Variants in ANKS1A observed in about 807,000 individuals in gnomAD.
ANKS1A encodes the protein ankyrin repeat and SAM domain-containing protein 1A.
ANKS1A carries 55 observed loss-of-function variants against 120.3 expected under a neutral mutation model. The observed-to-expected ratio is 0.46, with a 90% CI of 0.37 to 0.57. The LOEUF is 0.57. Ranked by LOEUF, ANKS1A falls within the 20% of genes least tolerant of loss-of-function variation. ANKS1A has a pLI of 0.00. For missense variants in ANKS1A, 1,123 were observed against 1,480.3 expected (o/e 0.76, Z 3.96); for synonymous variants, 590 against 604.7 (o/e 0.98, Z 0.36).
At chr6:35,083,524 C>T (rs779265569) in intron 20 of ANKS1A, 21 bp downstream of exon 20, 2 of 1,612,186 alleles carry the variant, frequency 1.2e-6, no homozygotes, top group East Asian at 2.2e-5. Context: ...TACAGGGACT[C>T]TTGGTGGGAG....
intron 1 of ANKS1A, among the ~76,000 whole-genome samples, chr6:34,906,236 G>T (rs563809160): frequency 1.3e-5 from 2 of 152,192 alleles, no homozygotes; most frequent in Non-Finnish European, 2.9e-5. Context: ...CATCTGCAGA[G>T]TTAGACTGGG....
chr6:34,984,130 A>G (rs1055602373), intron 7 of ANKS1A, among the ~76,000 whole-genome samples: 1 of 152,172 alleles, frequency 6.6e-6, no homozygotes, highest in African/African-American at 2.4e-5. Flanking sequence ...GTAGGGGGGT[A>G]CATGGCAAAT....
Position 35,057,866 on chromosome 6 carries a change from C to A in ANKS1A, c.2078-2281C>A, listed in dbSNP as rs1776292345. Among the ~76,000 whole-genome samples, 1 of 152,238 alleles carries A rather than the reference C, an allele frequency of 6.6e-6. No homozygotes were observed. Among genetic ancestry groups the A allele is most frequent in the South Asian group, 2.1e-4 (1 of 4,834 alleles). ...GTGGGCTATGCCCTTTGGGTCTGGT[C>A]ATTCCTGTGTCCTCTCCTGGCTGTC... On this transcript the variant is annotated intron_variant, in intron 12 of 23. Coordinates refer to ENST00000360359, the MANE Select transcript of ANKS1A (RefSeq NM_015245.3). The surrounding 1 kb of genome is among the most constrained non-coding windows in gnomAD (Gnocchi z 4.1).
intron 11 of ANKS1A, among the ~76,000 whole-genome samples, chr6:35,033,410 GA>G (rs2127571719): frequency 6.6e-6 from 1 of 152,312 alleles, no homozygotes; most frequent in East Asian, 1.9e-4. Flanking sequence ...AGACATGTAT[GA>G]TGCTGGTGGA....
chr6:35,017,176 C>T (rs1290165553), intron 10 of ANKS1A, among the ~76,000 whole-genome samples: 2 of 152,062 alleles, frequency 1.3e-5, no homozygotes, highest in Non-Finnish European at 2.9e-5. Flanking sequence ...AAGGTCTGGT[C>T]GTTAATGTTA....
At chr6:34,911,456 G>C (rs576490072) in intron 1 of ANKS1A, among the ~76,000 whole-genome samples, 6 of 151,316 alleles carry the variant, frequency 4.0e-5, no homozygotes, top group Non-Finnish European at 8.8e-5. Flanking sequence ...GGATAACAGT[G>C]GGGGGGATCC....
At chr6:34,907,402 A>G (rs964349942) in intron 1 of ANKS1A, among the ~76,000 whole-genome samples, 1 of 152,224 alleles carries the variant, frequency 6.6e-6, no homozygotes, top group African/African-American at 2.4e-5. Context: ...CATCTATAAC[A>G]AAATCCTTGT....
chr6:34,901,545 C>T (rs1767350860), intron 1 of ANKS1A, among the ~76,000 whole-genome samples: 1 of 152,192 alleles, frequency 6.6e-6, no homozygotes, highest in Non-Finnish European at 1.5e-5. Flanking sequence ...AGGTCTCACC[C>T]TGTCACTCAG....
At chr6:34,914,426 A>G (rs974882153) in intron 1 of ANKS1A, among the ~76,000 whole-genome samples, 6 of 152,194 alleles carry the variant, frequency 3.9e-5, no homozygotes, top group African/African-American at 7.2e-5. Context: ...TTCGTAAATC[A>G]CCCTAATGAA....
Position 34,889,997 on chromosome 6 carries a change from C to T in ANKS1A, c.197+398C>T, listed in dbSNP as rs1766724772. Among the ~76,000 whole-genome samples the T allele has an allele frequency of 6.6e-6, 1 of 152,134 alleles. No individual in the cohort carries two copies. The highest frequency in any genetic ancestry group is 1.5e-5 in the Non-Finnish European group (1 of 68,026). On this transcript the variant is annotated intron_variant, in intron 1 of 23. Transcript: ENST00000360359. This position sits in a 1 kb window ranked among gnomAD's most constrained non-coding sequence, Gnocchi z 5.5. ...TCACCTCCTGCAGAAACTCCTACGC[C>T]TTGTAGAATCTCGAGGCTCCTCTGG... is the stretch of plus-strand genomic sequence containing the variant.
At chr6:35,061,290 G>A (rs1223745586) in intron 13 of ANKS1A, among the ~76,000 whole-genome samples, 2 of 152,204 alleles carry the variant, frequency 1.3e-5, no homozygotes, top group Non-Finnish European at 2.9e-5. Context: ...CTTCTCTGTG[G>A]ATACAGGGAT....
chr6:34,974,835 T>C (rs1438741100), intron 3 of ANKS1A, among the ~76,000 whole-genome samples: 3 of 152,206 alleles, frequency 2.0e-5, no homozygotes, highest in African/African-American at 7.2e-5. Context: ...GTGTATGTAA[T>C]GTATTTCTGC....
At position 35,057,566 on chromosome 6, in the gene ANKS1A, T is replaced by C. The variant is rs1776278276; in HGVS notation, c.2078-2581T>C. Among the ~76,000 whole-genome samples the C allele has an allele frequency of 6.6e-6, 1 of 152,168 alleles. No homozygotes were observed. The highest frequency in any genetic ancestry group is 2.4e-5 in the African/African-American group (1 of 41,442). ...AGCCCTGGACTTCTGTCCCTGTACC[T>C]GTTTTATCTTTTTGGCCTGTCTCCA... On this transcript the variant is annotated intron_variant, in intron 12 of 23. Coordinates refer to ENST00000360359, the MANE Select transcript of ANKS1A (RefSeq NM_015245.3). The surrounding 1 kb of genome is among the most constrained non-coding windows in gnomAD (Gnocchi z 4.1).
intron 1 of ANKS1A, among the ~76,000 whole-genome samples, chr6:34,943,608 C>T (rs1298646810): frequency 6.6e-6 from 1 of 152,212 alleles, no homozygotes; most frequent in African/African-American, 2.4e-5. Flanking sequence ...CCGTTGAACC[C>T]ATGGCAGGCA....
chr6:35,017,432 C>T (rs1407968023), intron 10 of ANKS1A, 41 bp from the exon 11 acceptor site: 18 of 1,539,912 alleles, frequency 1.2e-5, no homozygotes, highest in Middle Eastern at 1.7e-4. Flanking sequence ...ATTTTTGCCA[C>T]GTTTAATTTT....
chr6:35,093,810 C>T (rs1778379890), downstream of ANKS1A, among the ~76,000 whole-genome samples: 1 of 152,202 alleles, frequency 6.6e-6, no homozygotes, highest in Non-Finnish European at 1.5e-5. Context: ...TGCTCTACTC[C>T]AGCCAAGCAC....
At chr6:35,080,489 G>T (rs1777613836) in intron 16 of ANKS1A, among the ~76,000 whole-genome samples, 1 of 152,312 alleles carries the variant, frequency 6.6e-6, no homozygotes, top group Middle Eastern at 3.4e-3. Context: ...GGGTGCACTG[G>T]GCCTGCCCCG....
intron 1 of ANKS1A, among the ~76,000 whole-genome samples, chr6:34,914,111 C>T (rs1768039728): frequency 7.2e-6 from 1 of 139,332 alleles, no homozygotes; most frequent in South Asian, 2.3e-4. Flanking sequence ...TTAGTAGAGA[C>T]TGGGTTTCAA....
At chr6:35,025,440 C>T (rs1366246735) in intron 11 of ANKS1A, among the ~76,000 whole-genome samples, 2 of 151,962 alleles carry the variant, frequency 1.3e-5, no homozygotes, top group Non-Finnish European at 2.9e-5. Flanking sequence ...CAGCACCTCT[C>T]TCTCCCGCTT....
Sources: allele counts gnomAD v4.1 joint callset (sites outside exome capture counted in the v4.1 genomes callset), GRCh38; gene constraint gnomAD v4.1.1; non-coding constraint Gnocchi (gnomAD v3.1); transcripts MANE v1.5; gene names NCBI Gene and HGNC (gene_info 2026-07-23, HGNC 2026-07-21).